PITX3: variants seen among roughly 807,000 people sequenced by gnomAD.
The protein encoded by PITX3 is paired like homeodomain 3.
In PITX3, 4 loss-of-function variants were observed where a neutral mutation model predicts 14.2. The observed-to-expected ratio is 0.28, with a 90% CI of 0.14 to 0.65. The LOEUF (loss-of-function observed/expected upper bound fraction) is 0.65. Among genes scored for constraint, PITX3 ranks in the 30% least tolerant of loss-of-function variants. The pLI is 0.82. For synonymous variants in PITX3, 194 were observed against 204.5 expected (o/e 0.95, Z 0.44); for missense variants, 358 against 426.8 (o/e 0.84, Z 1.42).
chr10:102,231,945 G>A lies in PITX3; in HGVS notation c.118+18C>T, dbSNP rs752838634. ...TGAAGCTGTTATGTCCTGCACCCCC[G>A]GAAGGGGGCGCGCTTACCGCTGTGC... On this transcript the variant is annotated intron_variant, in intron 2 of 3. Coordinates refer to ENST00000370002, the MANE Select transcript of PITX3 (RefSeq NM_005029.4). The A allele has an allele frequency of 3.1e-6, 5 of 1,590,264 alleles. No homozygotes were observed. The highest frequency in any genetic ancestry group is 2.2e-5 in the East Asian group (1 of 44,762).
intron 1 of PITX3, among the ~76,000 whole-genome samples, chr10:102,234,490 G>T (rs1454304684): frequency 6.6e-6 from 1 of 152,176 alleles, no homozygotes; most frequent in Non-Finnish European, 1.5e-5. Context: ...AGGTCAGGGG[G>T]TTTGGAGCTG....
chr10:102,234,623 T>C (rs1279781566), intron 1 of PITX3, among the ~76,000 whole-genome samples: 1 of 152,148 alleles, frequency 6.6e-6, no homozygotes, highest in East Asian at 1.9e-4. Flanking sequence ...AGGGGTGCTC[T>C]GAAGTCTCCC....
chr10:102,235,923 C>G (rs1396079956), intron 1 of PITX3, among the ~76,000 whole-genome samples: 1 of 152,194 alleles, frequency 6.6e-6, no homozygotes, highest in Non-Finnish European at 1.5e-5. Context: ...CTGGGAGCCA[C>G]TTTGGGGACA....
Position 102,230,672 on chromosome 10 carries a change from AGGCGGCAGCCGC to A in PITX3, c.739_750del (p.Ala247_Ala250del). ...GGGTCCCGATAGACGTAGGGGGAAG[AGGCGGCAGCCGC>A]GGCGGCGGCGGCGGCCGAGGCATAA... On this transcript the variant is annotated inframe_deletion, in exon 4 of 4. Coordinates refer to ENST00000370002, the MANE Select transcript of PITX3 (RefSeq NM_005029.4). 1 of 1,588,600 alleles carries A rather than the reference AGGCGGCAGCCGC, an allele frequency of 6.3e-7. No individual in the cohort carries two copies. The highest frequency in any genetic ancestry group is 8.6e-7 in the Non-Finnish European group (1 of 1,168,530).
At chr10:102,231,417 A>G (rs1162152246) in intron 3 of PITX3, among the ~76,000 whole-genome samples, 171 bp downstream of exon 3, 1 of 151,182 alleles carries the variant, frequency 6.6e-6, no homozygotes, top group Non-Finnish European at 1.5e-5. Context: ...CAGTGGGAGC[A>G]GAGGCTGGAG....
intron 1 of PITX3, 31 bp from the exon 2 acceptor site, chr10:102,232,123 A>G (rs1209493009): frequency 8.0e-7 from 1 of 1,245,966 alleles, no homozygotes; most frequent in African/African-American, 1.5e-5. Flanking sequence ...AGACCAGGGT[A>G]ATGGGGGTAA....
chr10:102,231,595 C>T lies in PITX3; in HGVS notation c.314G>A (p.Arg105His). Residue 105 changes from arginine to histidine, a missense_variant, in exon 3 of 4, where the codon CGC becomes CAC. Transcript: ENST00000370002. ...IAVWTNLTEA[R>H]VRVWFKNRRA... ...CGGGTCTGGAGAGCATACCCGCACG[C>T]GGGCCTCGGTGAGGTTGGTCCACAC... 2.5e-6 allele frequency: 4 copies of T among 1,599,062 alleles called. No homozygotes were observed. Among genetic ancestry groups the T allele is most frequent in the East Asian group, 2.3e-5 (1 of 44,418 alleles).
chr10:102,231,235 G>C (rs1263939624), intron 3 of PITX3, 134 bp from the exon 4 acceptor site: 11 of 906,756 alleles, frequency 1.2e-5, no homozygotes, highest in Middle Eastern at 3.3e-4. Flanking sequence ...GACGGGGTGG[G>C]AGGGAAGGAG....
At position 102,232,012 on chromosome 10, in the gene PITX3, A is replaced by G; in HGVS notation, c.69T>C (p.Thr23=). Residue 23 remains threonine, a synonymous_variant, in exon 2 of 4, where the codon ACT becomes ACC. Coordinates refer to ENST00000370002, the MANE Select transcript of PITX3 (RefSeq NM_005029.4). ...SPALSLSDAG[T]PHPQLPEHGC... ...CGTGCTCTGGGAGCTGGGGGTGCGG[A>G]GTGCCAGCGTCTGACAGCGACAGGG... 1 of 1,609,964 alleles carries G rather than the reference A, an allele frequency of 6.2e-7. No individual in the cohort carries two copies. The highest frequency in any genetic ancestry group is 8.5e-7 in the Non-Finnish European group (1 of 1,179,548).
chr10:102,230,520 G>A lies in PITX3; in HGVS notation c.903C>T (p.Pro301=), dbSNP rs757980604. The change falls in exon 4 of 4, where the codon CCC becomes CCT. Residue 301 remains proline (P), a synonymous_variant. Coordinates refer to ENST00000370002, the MANE Select transcript of PITX3 (RefSeq NM_005029.4). ...GATCTACGGGCGGGGCCGCTCATACGGGCCTTTCCACGGCGTACTGGCACG... is the reference window on the plus strand; with the variant it reads ...GATCTACGGGCGGGGCCGCTCATACAGGCCTTTCCACGGCGTACTGGCACG... ...LSPCQYAVER[P]V 9 of 1,608,050 alleles carry A rather than the reference G, an allele frequency of 5.6e-6. No homozygotes were observed. The highest frequency in any genetic ancestry group is 6.8e-6 in the Non-Finnish European group (8 of 1,177,922).
At position 102,230,667 on chromosome 10, in the gene PITX3, G is replaced by A. The variant is rs1209349808; in HGVS notation, c.756C>T (p.Ser252=). 6.3e-6 allele frequency: 10 copies of A among 1,592,064 alleles called. No individual in the cohort carries two copies. The highest frequency in any genetic ancestry group is 4.6e-5 in the East Asian group (2 of 43,810). The change falls in exon 4 of 4, where the codon TCC becomes TCT. Residue 252 remains serine, a synonymous_variant. Coordinates refer to ENST00000370002, the MANE Select transcript of PITX3 (RefSeq NM_005029.4). ...TACACGGGTCCCGATAGACGTAGGG[G>A]GAAGAGGCGGCAGCCGCGGCGGCGG... ...AAAAAAAAAS[S]PYVYRDPCNS... is the part of the protein sequence containing the mutation.
chr10:102,233,921 C>T (rs949449927), intron 1 of PITX3, among the ~76,000 whole-genome samples: 3 of 152,188 alleles, frequency 2.0e-5, no homozygotes, highest in Non-Finnish European at 4.4e-5. Flanking sequence ...TCTCCCAGGA[C>T]CCCTCTGCTG....
At chr10:102,239,726 G>A (rs1023945080) in intron 1 of PITX3, among the ~76,000 whole-genome samples, 5 of 152,144 alleles carry the variant, frequency 3.3e-5, no homozygotes, top group South Asian at 2.1e-4. Context: ...TCCCCAGCTG[G>A]GCTATCTTGC....
intron 1 of PITX3, 127 bp from the exon 2 acceptor site, chr10:102,232,219 C>T (rs2133799797): frequency 3.1e-6 from 2 of 654,968 alleles, no homozygotes; most frequent in East Asian, 2.7e-5. Context: ...GCTGGGGCTG[C>T]GTGGGGCTCC....
rs1310235570 is a variant in PITX3, at chr10:102,231,729, C to G, written c.180G>C (p.Lys60Asn). Residue 60 changes from lysine (K) to asparagine (N), a missense_variant, in exon 3 of 4, where the codon AAG becomes AAC. Physicochemically the swap from Lys to Asn is moderately conservative, Grantham distance 94. Around this residue, in one of 3 missense-constraint regions of PITX3, gnomAD observed 72 missense variants for 79.9 expected, o/e 0.90. Transcript: ENST00000370002. ...AGTGCGTGCGCTGCCGCCGCTGCTT[C>G]TTTTTCAGCGAACCGTCCTCTGGGG... The part of the protein sequence containing the change: ...GGSPEDGSLK[K>N]KQRRQRTHFT... 2 of 1,610,466 alleles carry G rather than the reference C, an allele frequency of 1.2e-6. No individual in the cohort carries two copies. The highest frequency in any genetic ancestry group is 8.5e-7 in the Non-Finnish European group (1 of 1,178,786).
At chr10:102,236,275 A>G (rs1335075695) in intron 1 of PITX3, among the ~76,000 whole-genome samples, 1 of 152,226 alleles carries the variant, frequency 6.6e-6, no homozygotes, top group Non-Finnish European at 1.5e-5. Context: ...TGGATAGGGA[A>G]GAACAAGCAG....
intron 3 of PITX3, 126 bp from the exon 4 acceptor site, chr10:102,231,227 C>G (rs576029171): frequency 1.4e-4 from 135 of 975,732 alleles, no homozygotes; most frequent in Non-Finnish European, 1.9e-4. Context: ...TGGCTAGAGA[C>G]GGGGTGGGAG....
At chr10:102,232,501 G>A (rs1487029659) in intron 1 of PITX3, among the ~76,000 whole-genome samples, 2 of 152,142 alleles carry the variant, frequency 1.3e-5, no homozygotes, top group African/African-American at 4.8e-5. Context: ...TGGCCAACAT[G>A]GTAAAATCCC....
chr10:102,236,992 G>A (rs1438090304), intron 1 of PITX3, among the ~76,000 whole-genome samples: 1 of 152,208 alleles, frequency 6.6e-6, no homozygotes, highest in Non-Finnish European at 1.5e-5. Context: ...AGCAAATCGA[G>A]ACACATTTGC....
Sources: gnomAD v4.1 joint callset for allele counts (sites outside exome capture counted in the v4.1 genomes callset) on GRCh38, gnomAD v4.1.1 for gene constraint, gnomAD v4.1.1 regional missense constraint, MANE v1.5 for transcripts, NCBI Gene and HGNC (gene_info 2026-07-23, HGNC 2026-07-21) for gene names.